CLVS1: variants seen among roughly 807,000 people sequenced by gnomAD.
CLVS1 encodes clavesin 1, also known as clavesin-1.
A neutral mutation model predicts 33.1 loss-of-function variants in CLVS1; 10 were observed. The observed-to-expected ratio is 0.30, with a 90% CI of 0.19 to 0.51. CLVS1 has a LOEUF of 0.51. Ranked by LOEUF, CLVS1 falls within the 20% of genes least tolerant of loss-of-function variation. The probability of loss-of-function intolerance (pLI) is 0.97; values close to 1 mark genes in which losing one functional copy is unlikely to be tolerated. For synonymous variants in CLVS1, 163 were observed against 166.1 expected (o/e 0.98, Z 0.14); for missense variants, 343 against 433.4 (o/e 0.79, Z 1.85).
the CLVS1 span, among the ~76,000 whole-genome samples, chr8:60,971,222 G>T: frequency 0.019 from 2,835 of 151,794 alleles, 102 homozygotes; most frequent in African/African-American, 0.065. Flanking sequence ...GACTACATGC[G>T]CCCACCACCA....
intron 2 of CLVS1, among the ~76,000 whole-genome samples, chr8:61,253,151 A>T (rs1808989220): frequency 1.3e-5 from 2 of 152,268 alleles, no homozygotes; most frequent in South Asian, 4.1e-4. Flanking sequence ...GCTTGTCTGA[A>T]AAGTATTTTA....
At position 61,195,911 on chromosome 8, in the gene CLVS1, A is replaced by C. The variant is rs572087975; in HGVS notation, c.-152+64051A>C. 2.0e-5 allele frequency among the ~76,000 whole-genome samples: 3 copies of C among 152,282 alleles called. No homozygotes were observed. In the South Asian group the frequency reaches 6.2e-4, roughly 32 times the overall value. The stretch of plus-strand genomic sequence containing the variant: ...TTATTTACAAGTATGTAATTAAAAC[A>C]TCTGTGTACAATCATTTCTATAGAC... On this transcript the variant is annotated intron_variant, in intron 2 of 2. Coordinates refer to the CLVS1 transcript ENST00000522621.
chr8:61,327,971 T>TA (rs1811445189), intron 2 of CLVS1, among the ~76,000 whole-genome samples: 1 of 152,210 alleles, frequency 6.6e-6, no homozygotes, highest in Non-Finnish European at 1.5e-5. Context: ...TAAAGAAATA[T>TA]TTACATAAAT....
At chr8:61,339,869 A>C (rs1400240964) in intron 2 of CLVS1, among the ~76,000 whole-genome samples, 2 of 151,030 alleles carry the variant, frequency 1.3e-5, no homozygotes, top group Non-Finnish European at 3.0e-5. Context: ...AGAAAAAAGA[A>C]ATAGAGAAAG....
At chr8:61,458,611 G>A in intron 5 of CLVS1, 69 bp downstream of exon 5, 1 of 1,049,222 alleles carries the variant, frequency 9.5e-7, no homozygotes. Context: ...TGGACCTATT[G>A]TGAATTATTA....
chr8:61,214,904 A>G (rs1808033), intron 2 of CLVS1, among the ~76,000 whole-genome samples: 73,245 of 152,048 alleles, frequency 0.48, 18,449 homozygotes, highest in East Asian at 0.82. Context: ...ATGAGCATGT[A>G]TAGGATGGCT....
At chr8:60,973,872 G>A in the CLVS1 span, among the ~76,000 whole-genome samples, 3 of 152,202 alleles carry the variant, frequency 2.0e-5, no homozygotes, top group South Asian at 2.1e-4. Flanking sequence ...TCTCCTGGGT[G>A]GGGGAGGTGG....
intron 2 of CLVS1, among the ~76,000 whole-genome samples, chr8:61,366,882 T>C (rs1388446294): frequency 6.6e-6 from 1 of 152,160 alleles, no homozygotes; most frequent in Non-Finnish European, 1.5e-5. Context: ...GAGTAACCCT[T>C]GACAGCCCTG....
At chr8:61,244,279 C>A (rs934215224) in intron 2 of CLVS1, among the ~76,000 whole-genome samples, 1 of 151,682 alleles carries the variant, frequency 6.6e-6, no homozygotes, top group Non-Finnish European at 1.5e-5. Flanking sequence ...TATTAATTCC[C>A]AAATATATGG....
chr8:61,494,394 G>A (rs1442983967), intron 5 of CLVS1, among the ~76,000 whole-genome samples: 2 of 152,180 alleles, frequency 1.3e-5, no homozygotes, highest in African/African-American at 4.8e-5. Flanking sequence ...ACACCACTGA[G>A]ATAATGATGG....
chr8:61,176,470 G>T (rs1807113792), intron 2 of CLVS1, among the ~76,000 whole-genome samples: 1 of 152,070 alleles, frequency 6.6e-6, no homozygotes, highest in African/African-American at 2.4e-5. Context: ...TAATAAGTAG[G>T]TATTAAAAGT....
At chr8:61,155,228 C>CATT (rs1295020973) in intron 2 of CLVS1, among the ~76,000 whole-genome samples, 1 of 152,176 alleles carries the variant, frequency 6.6e-6, no homozygotes, top group Non-Finnish European at 1.5e-5. Flanking sequence ...CTAAAGGATA[C>CATT]GCATAGCACC....
At chr8:61,098,524 T>C (rs1250549779) in intron 1 of CLVS1, among the ~76,000 whole-genome samples, 2 of 152,152 alleles carry the variant, frequency 1.3e-5, no homozygotes, top group Non-Finnish European at 2.9e-5. Flanking sequence ...TAATTATGCA[T>C]AATAACCATC....
the CLVS1 span, among the ~76,000 whole-genome samples, chr8:61,022,824 C>T: frequency 1.5e-3 from 232 of 152,330 alleles, no homozygotes; most frequent in African/African-American, 5.3e-3. Context: ...TATATGTATA[C>T]GCACGCCTCG....
chr8:61,354,255 C>T (rs553125797), intron 2 of CLVS1, among the ~76,000 whole-genome samples: 1 of 152,104 alleles, frequency 6.6e-6, no homozygotes, highest in South Asian at 2.1e-4. Context: ...CCAATCAAGA[C>T]CACAATGAGA....
chr8:61,126,979 G>A (rs1240341535), intron 1 of CLVS1, among the ~76,000 whole-genome samples: 1 of 152,166 alleles, frequency 6.6e-6, no homozygotes, highest in African/African-American at 2.4e-5. Flanking sequence ...CAATTGGCCT[G>A]GGTCTTTTAC....
At chr8:61,046,601 T>C in the CLVS1 span, among the ~76,000 whole-genome samples, 1 of 151,072 alleles carries the variant, frequency 6.6e-6, no homozygotes, top group African/African-American at 2.5e-5. Flanking sequence ...TTTCACGATA[T>C]TGATTCTTCC....
chr8:61,406,493 T>C (rs1341165812), intron 3 of CLVS1, among the ~76,000 whole-genome samples: 1 of 152,202 alleles, frequency 6.6e-6, no homozygotes, highest in African/African-American at 2.4e-5. Flanking sequence ...CCATAATCAT[T>C]ATCATAAAAT....
At chr8:61,184,384 G>A (rs1359400785) in intron 2 of CLVS1, among the ~76,000 whole-genome samples, 1 of 152,162 alleles carries the variant, frequency 6.6e-6, no homozygotes, top group Non-Finnish European at 1.5e-5. Context: ...TGAGGATGAG[G>A]CAATATATGT....
Sources: gnomAD v4.1 joint callset for allele counts (sites outside exome capture counted in the v4.1 genomes callset) on GRCh38, gnomAD v4.1.1 for gene constraint, MANE v1.5 for transcripts, NCBI Gene and HGNC (gene_info 2026-07-23, HGNC 2026-07-21) for gene names.